The following KDM4C variants were observed in gnomAD, a reference collection of about 807,000 sequenced individuals.
KDM4C encodes the protein lysine-specific demethylase 4C.
Under a neutral mutation model 129.3 loss-of-function variants are expected in KDM4C, and 81 were observed. The ratio of observed to expected loss-of-function variants is 0.63; its 90% CI spans 0.52 to 0.75. The LOEUF is 0.75. Ranked by LOEUF, KDM4C falls within the 30% of genes least tolerant of loss-of-function variation. The pLI is 0.00. For synonymous variants in KDM4C, 573 were observed against 456.1 expected, an observed-to-expected ratio of 1.26 and a Z score of -3.26; for missense variants, 1,457 against 1,304.0, an observed-to-expected ratio of 1.12 and a Z score of -1.81.
At chr9:7,052,878 A>C (rs1276752604) in intron 17 of KDM4C, among the ~76,000 whole-genome samples, 1 of 16,918 alleles carries the variant, frequency 5.9e-5, no homozygotes, top group African/African-American at 3.3e-4. Flanking sequence ...AGAGAGAGAG[A>C]GAGAGAGAGA....
At chr9:6,924,739 A>G (rs1036727089) in intron 8 of KDM4C, 4 of 983,080 alleles carry the variant, frequency 4.1e-6, no homozygotes, top group African/African-American at 1.7e-5. Flanking sequence ...TTGTCTGAGG[A>G]GTTTTTATTA....
intron 1 of KDM4C, among the ~76,000 whole-genome samples, chr9:6,747,618 C>G (rs943036381): frequency 1.1e-4 from 16 of 151,350 alleles, no homozygotes; most frequent in African/African-American, 2.9e-4. Context: ...TGGAAACAAT[C>G]CACTGTATGC....
intron 1 of KDM4C, among the ~76,000 whole-genome samples, chr9:6,771,820 C>G (rs1162035250): frequency 6.6e-6 from 1 of 151,514 alleles, no homozygotes; most frequent in Non-Finnish European, 1.5e-5. Context: ...GCTGCCCAGG[C>G]TGAGTGCTGG....
At chr9:7,020,252 A>G (rs542547768) in intron 15 of KDM4C, among the ~76,000 whole-genome samples, 1 of 152,348 alleles carries the variant, frequency 6.6e-6, no homozygotes, top group East Asian at 1.9e-4. Context: ...CCCAACTTCA[A>G]CTGAAATGAA....
chr9:6,890,878 G>A (rs1340508907), intron 7 of KDM4C, among the ~76,000 whole-genome samples: 1 of 152,210 alleles, frequency 6.6e-6, no homozygotes, highest in African/African-American at 2.4e-5. Flanking sequence ...GTTCTCACGT[G>A]GCTCAGATAA....
chr9:7,135,123 T>A (rs578035497), intron 19 of KDM4C, among the ~76,000 whole-genome samples: 7 of 152,326 alleles, frequency 4.6e-5, no homozygotes, highest in African/African-American at 1.7e-4. Flanking sequence ...CTGACCCCAA[T>A]TCTGTAGGCA....
intron 12 of KDM4C, among the ~76,000 whole-genome samples, chr9:7,008,989 C>G (rs1822194521): frequency 6.6e-6 from 1 of 152,150 alleles, no homozygotes; most frequent in Admixed American, 6.5e-5. Context: ...CATGAATAAT[C>G]AGGGAAACAT....
chr9:6,777,862 A>G (rs563063309), intron 1 of KDM4C, among the ~76,000 whole-genome samples: 1 of 151,566 alleles, frequency 6.6e-6, no homozygotes, highest in South Asian at 2.1e-4. Flanking sequence ...GATAGTCAGG[A>G]TAACTAGTCC....
intron 17 of KDM4C, among the ~76,000 whole-genome samples, chr9:7,055,637 C>T (rs931044046): frequency 1.4e-4 from 21 of 152,202 alleles, no homozygotes; most frequent in South Asian, 2.1e-4. Flanking sequence ...AGTGGTTTCA[C>T]TGTGGTATTC....
At chr9:7,104,313 C>G (rs41311428) in intron 18 of KDM4C, 32,498 of 155,546 alleles carry the variant, frequency 0.21, 3,586 homozygotes, top group East Asian at 0.28. Flanking sequence ...TATTTTATCT[C>G]CTTTAGAAGA....
intron 1 of KDM4C, among the ~76,000 whole-genome samples, chr9:6,722,623 C>G (rs1816992723): frequency 1.3e-5 from 2 of 151,756 alleles, no homozygotes; most frequent in Non-Finnish European, 2.9e-5. Context: ...AAGTGATTCT[C>G]CTGCCTCAGG....
intron 17 of KDM4C, 72 bp from the exon 18 acceptor site, chr9:7,103,612 TG>T: frequency 8.5e-7 from 1 of 1,178,618 alleles, no homozygotes; most frequent in South Asian, 1.3e-5. Context: ...TAGTAGCTAT[TG>T]TTCTGTAAAT....
chr9:7,135,605 A>ATGC (rs1841118104), intron 19 of KDM4C, among the ~76,000 whole-genome samples: 1 of 151,882 alleles, frequency 6.6e-6, no homozygotes, highest in African/African-American at 2.4e-5. Context: ...GTTCTGAGCT[A>ATGC]TGTGTTGAAC....
intron 8 of KDM4C, among the ~76,000 whole-genome samples, chr9:6,916,866 C>G (rs1820403938): frequency 6.6e-6 from 1 of 152,138 alleles, no homozygotes; most frequent in South Asian, 2.1e-4. Flanking sequence ...AGCAACAGCA[C>G]TGTATTTTTC....
chr9:6,911,007 T>C (rs1819197439), intron 8 of KDM4C, among the ~76,000 whole-genome samples: 1 of 152,216 alleles, frequency 6.6e-6, no homozygotes, highest in Admixed American at 6.5e-5. Context: ...TATTACAAAT[T>C]ATAGAAAGAT....
intron 1 of KDM4C, among the ~76,000 whole-genome samples, chr9:6,767,699 G>A (rs553243985): frequency 6.6e-6 from 1 of 151,958 alleles, no homozygotes; most frequent in Admixed American, 6.6e-5. Context: ...GACCTCAGGT[G>A]ATGTCCGCTT....
chr9:7,034,516 G>A (rs76084253), intron 15 of KDM4C, among the ~76,000 whole-genome samples: 3,314 of 152,194 alleles, frequency 0.022, 61 homozygotes, highest in Non-Finnish European at 0.033. Context: ...CCATGTTGTT[G>A]CAAATGACAA....
At chr9:6,955,995 C>T (rs1828997983) in intron 8 of KDM4C, among the ~76,000 whole-genome samples, 1 of 152,128 alleles carries the variant, frequency 6.6e-6, no homozygotes, top group African/African-American at 2.4e-5. Context: ...TGTTTTAGTT[C>T]CTTCAGAAAC....
chr9:7,051,639 A>G (rs1336315093), intron 17 of KDM4C, among the ~76,000 whole-genome samples: 3 of 152,104 alleles, frequency 2.0e-5, no homozygotes, highest in South Asian at 4.1e-4. Context: ...TATTCTGCCT[A>G]TTTCATAAAT....
Sources: allele counts gnomAD v4.1 joint callset (sites outside exome capture counted in the v4.1 genomes callset), GRCh38; gene constraint gnomAD v4.1.1; transcripts MANE v1.5; gene names NCBI Gene and HGNC (gene_info 2026-07-23, HGNC 2026-07-21).